FAM120C: variants seen among roughly 807,000 people sequenced by gnomAD.
FAM120C encodes the protein constitutive coactivator of PPAR-gamma-like protein 2.
FAM120C carries 14 observed loss-of-function variants against 71.2 expected under a neutral mutation model. The ratio of observed to expected loss-of-function variants is 0.20; its 90% CI spans 0.13 to 0.31. FAM120C has a LOEUF of 0.31. Ranked by LOEUF, FAM120C falls within the 10% of genes least tolerant of loss-of-function variation. The pLI, the probability that FAM120C is intolerant of heterozygous loss-of-function variation, is 1.00. For synonymous variants in FAM120C, 354 were observed against 353.2 expected, an observed-to-expected ratio of 1.00 and a Z score of -0.03; for missense variants, 500 against 879.0, an observed-to-expected ratio of 0.57 and a Z score of 5.45.
At chrX:54,159,234 C>T in intron 2 of FAM120C, 136 bp downstream of exon 2, 1 of 778,031 alleles carries the variant, frequency 1.3e-6, no homozygotes, top group Non-Finnish European at 1.8e-6. Flanking sequence ...ATGCTGAGTT[C>T]TCCCCAGCAG....
chrX:54,131,560 TC>T (rs1179678839), intron 9 of FAM120C, among the ~76,000 whole-genome samples: 1 of 109,483 alleles, frequency 9.1e-6, no homozygotes, highest in Non-Finnish European at 1.9e-5. Flanking sequence ...TGCCTCAGTC[TC>T]CCAAGTAGCT....
intron 1 of FAM120C, among the ~76,000 whole-genome samples, chrX:54,164,816 T>C (rs970660868): frequency 8.9e-6 from 1 of 111,982 alleles, no homozygotes; most frequent in Non-Finnish European, 1.9e-5. Flanking sequence ...ATTTTTAATA[T>C]ATTAAGGAAC....
intron 10 of FAM120C, among the ~76,000 whole-genome samples, chrX:54,097,650 T>C (rs1348913787): frequency 8.9e-6 from 1 of 112,364 alleles, no homozygotes; most frequent in Non-Finnish European, 1.9e-5. Context: ...TTTTGGGACA[T>C]AGATACAGTC....
intron 10 of FAM120C, among the ~76,000 whole-genome samples, chrX:54,096,777 A>T (rs1557123347): frequency 1.8e-5 from 2 of 111,841 alleles, no homozygotes; most frequent in Admixed American, 9.6e-5. Flanking sequence ...ATCTCTGATT[A>T]TTCATTCCCT....
chrX:54,166,245 T>C (rs1262864289), intron 1 of FAM120C, among the ~76,000 whole-genome samples: 1 of 111,915 alleles, frequency 8.9e-6, no homozygotes, highest in Non-Finnish European at 1.9e-5. Flanking sequence ...AAATAATGTA[T>C]TGGTGAAGGA....
At chrX:54,088,591 C>CAAAAAAAAA (rs1230524883) in intron 11 of FAM120C, among the ~76,000 whole-genome samples, 1 of 32,904 alleles carries the variant, frequency 3.0e-5, no homozygotes, top group Non-Finnish European at 4.5e-5. Flanking sequence ...GACTCCATCT[C>CAAAAAAAAA]AAAAAAAAAA....
intron 10 of FAM120C, among the ~76,000 whole-genome samples, chrX:54,097,477 G>A (rs1557123482): frequency 8.9e-6 from 1 of 111,761 alleles, no homozygotes; most frequent in Admixed American, 9.6e-5. Context: ...AGCTAGAATG[G>A]CTTCTGTTTC....
At position 54,176,552 on chromosome X, in the gene FAM120C, C is replaced by T. The variant is rs782572814; in HGVS notation, c.699+5948G>A. Among the ~76,000 whole-genome samples the T allele has an allele frequency of 4.5e-5, 5 of 111,031 alleles. No individual in the cohort carries two copies. The South Asian group carries it at 1.9e-3, about 43-fold the overall frequency. On this transcript the variant is annotated intron_variant, in intron 1 of 15. Coordinates refer to ENST00000375180, the MANE Select transcript of FAM120C (RefSeq NM_017848.6). ...AATGAATATTGGTGAGGTACCTCGC[C>T]CATGTGGTAGCTATTATTACTACCA...
At chrX:54,107,304 C>G (rs782344387) in intron 10 of FAM120C, among the ~76,000 whole-genome samples, 1 of 108,852 alleles carries the variant, frequency 9.2e-6, no homozygotes, top group South Asian at 4.0e-4. Flanking sequence ...GCCATGTTAG[C>G]CAGGCTGGTC....
At chrX:54,150,177 T>G (rs1439210308) in intron 4 of FAM120C, among the ~76,000 whole-genome samples, 2 of 111,815 alleles carry the variant, frequency 1.8e-5, no homozygotes, top group Non-Finnish European at 3.8e-5. Context: ...AAAATATAGG[T>G]CAACAATCCA....
intron 10 of FAM120C, among the ~76,000 whole-genome samples, chrX:54,101,088 C>T (rs1339016736): frequency 3.6e-5 from 4 of 111,879 alleles, no homozygotes; most frequent in Non-Finnish European, 7.5e-5. Flanking sequence ...CAATGAGATC[C>T]TTTTAATGGG....
chrX:54,089,416 T>A (rs1557122372), intron 11 of FAM120C, among the ~76,000 whole-genome samples: 1 of 111,400 alleles, frequency 9.0e-6, no homozygotes, highest in Admixed American at 9.7e-5. Context: ...GCAGGTCCCC[T>A]CCTAGGTGTC....
At position 54,182,348 on chromosome X, in the gene FAM120C, G is replaced by A. The variant is rs1299443257; in HGVS notation, c.699+152C>T. The A allele has an allele frequency of 8.0e-6, 5 of 623,077 alleles. No individual in the cohort carries two copies. The African/African-American group carries it at 1.1e-4, about 14-fold the overall frequency. The allele number at this position is 623,077 out of a possible 1,213,427, so 51.3% of individuals were successfully genotyped here. On this transcript the variant is annotated intron_variant, in intron 1 of 15. Transcript: ENST00000375180. ...GGGGAGGTAAATGGATAAAATGGTA[G>A]AGGGTAGTTAGGCAGGTAGGTTAGC...
chrX:54,168,488 T>C (rs1469438873), intron 1 of FAM120C, among the ~76,000 whole-genome samples: 1 of 112,344 alleles, frequency 8.9e-6, no homozygotes, highest in African/African-American at 3.2e-5. Context: ...TTTTATGTAT[T>C]ATATACTGCG....
intron 10 of FAM120C, among the ~76,000 whole-genome samples, chrX:54,096,365 C>T (rs1379857371): frequency 1.8e-5 from 2 of 111,408 alleles, no homozygotes; most frequent in South Asian, 7.5e-4. Context: ...AAGCTGAGAT[C>T]ATGCCACTGC....
chrX:54,115,811 G>C (rs1557126537), intron 10 of FAM120C, among the ~76,000 whole-genome samples: 1 of 111,885 alleles, frequency 8.9e-6, no homozygotes, highest in South Asian at 3.7e-4. Context: ...CAGGCCGGGC[G>C]GGGTGGCTCA....
intron 9 of FAM120C, among the ~76,000 whole-genome samples, chrX:54,131,623 A>T (rs2067067117): frequency 9.0e-6 from 1 of 111,294 alleles, no homozygotes; most frequent in South Asian, 3.8e-4. Flanking sequence ...TTTTGGGTAG[A>T]AACAGGGTTT....
At chrX:54,083,095 G>T (rs782213784) in intron 13 of FAM120C, among the ~76,000 whole-genome samples, 1 of 108,684 alleles carries the variant, frequency 9.2e-6, no homozygotes, top group Non-Finnish European at 1.9e-5. Context: ...TTCCAGCCTG[G>T]GTGACAGAGC....
chrX:54,069,411 A>G lies in FAM120C; in HGVS notation c.*3622T>C, dbSNP rs1447921777. ...AAACCTTAGTAGAATTATACTAACT[A>G]CTTTAAACTGTGGTCTACTTGTACT... On this transcript the variant is annotated 3_prime_UTR_variant, in exon 16 of 16. Transcript: ENST00000375180. The G allele has an allele frequency of 9.0e-6, 1 of 110,801 alleles. No homozygotes were observed. The highest frequency in any genetic ancestry group is 1.9e-5 in the Non-Finnish European group (1 of 52,951). The allele number at this position is 110,801 out of a possible 1,213,427, so 9.1% of individuals were successfully genotyped here.
Sources: allele counts gnomAD v4.1 joint callset (sites outside exome capture counted in the v4.1 genomes callset), GRCh38; gene constraint gnomAD v4.1.1; transcripts MANE v1.5; gene names NCBI Gene and HGNC (gene_info 2026-07-23, HGNC 2026-07-21).